The following UNC45A variants were observed in gnomAD, a reference collection of about 807,000 sequenced individuals.
UNC45A encodes the protein protein unc-45 homolog A.
Under a neutral mutation model 103.2 loss-of-function variants are expected in UNC45A, and 78 were observed. The observed-to-expected ratio is 0.76, with a 90% CI of 0.63 to 0.91. The LOEUF (loss-of-function observed/expected upper bound fraction) is 0.91. Ranked by LOEUF, UNC45A falls within the 40% of genes least tolerant of loss-of-function variation. UNC45A has a pLI of 0.00. For synonymous variants in UNC45A, 495 were observed against 504.6 expected, an observed-to-expected ratio of 0.98 and a Z score of 0.25; for missense variants, 1,193 against 1,224.8, an observed-to-expected ratio of 0.97 and a Z score of 0.39.
chr15:90,948,228 A>G lies in UNC45A; in HGVS notation c.1682A>G (p.Lys561Arg). The change falls in exon 12 of 20, where the codon AAG becomes AGG. Residue 561 changes from lysine (K) to arginine (R), a missense_variant. Lys to Arg is a conservative substitution (Grantham distance 26, BLOSUM62 2). Coordinates refer to ENST00000418476, the MANE Select transcript of UNC45A (RefSeq NM_018671.5). ...LAYLTFDADV[K>R]EEFVEDAAAL... ...TACCTGACCTTTGATGCCGACGTGA[A>G]GGAAGAGTTTGTGGAGGATGCGGCT... 9 of 1,614,126 alleles carry G rather than the reference A, an allele frequency of 5.6e-6. No individual in the cohort carries two copies. The highest frequency in any genetic ancestry group is 1.6e-4 in the Middle Eastern group (1 of 6,062).
In UNC45A at chr15:90,935,954, C is replaced by T. The variant is rs758739072; in HGVS notation, c.222C>T (p.Tyr74=). Residue 74 remains tyrosine (Y), a synonymous_variant, in exon 3 of 20, where the codon TAC becomes TAT. Transcript: ENST00000418476. ...CTGTCTTTCTCTTACAGGAAGATTA[C>T]GACAAAGCAGAAACAGAGGCATCCA... ...RAACHLKLED[Y]DKAETEASKA... is the part of the protein sequence containing the mutation. The T allele has an allele frequency of 5.6e-6, 9 of 1,613,892 alleles. No homozygotes were observed. Among genetic ancestry groups the T allele is most frequent in the Non-Finnish European group, 7.6e-6 (9 of 1,180,012 alleles).
At chr15:90,931,519 C>T (rs1414874206), upstream of UNC45A, 4 of 1,614,030 alleles carry the variant, frequency 2.5e-6, no homozygotes, top group Non-Finnish European at 3.4e-6. Flanking sequence ...AATGAGCTGT[C>T]CTGAAAACTT....
At chr15:90,952,842 C>A in intron 17 of UNC45A, 87 bp from the exon 18 acceptor site, 1 of 1,303,286 alleles carries the variant, frequency 7.7e-7, no homozygotes, top group South Asian at 1.3e-5. Context: ...GCCCTACCTC[C>A]AACATTGGGG....
At chr15:90,942,675 G>T (rs2036355359) in intron 7 of UNC45A, 70 bp downstream of exon 7, 1 of 1,606,786 alleles carries the variant, frequency 6.2e-7, no homozygotes, top group Non-Finnish European at 8.5e-7. Context: ...AGCCAGCCAG[G>T]CCAGTTTTTT....
intron 9 of UNC45A, 83 bp from the exon 10 acceptor site, chr15:90,946,531 C>T (rs2036576600): frequency 1.4e-6 from 2 of 1,442,730 alleles, no homozygotes; most frequent in African/African-American, 1.4e-5. Flanking sequence ...AGTGCAGGTG[C>T]CTGGCCAGTG....
chr15:90,932,489 TGCGAGC>T, upstream of UNC45A: 1 of 1,308,596 alleles, frequency 7.6e-7, no homozygotes, highest in Non-Finnish European at 9.7e-7. Context: ...TGCCGGTGCT[TGCGAGC>T]CGCGAAGTCG....
Position 90,937,034 on chromosome 15 carries a change from G to C in UNC45A, c.426+574G>C, listed in dbSNP as rs376318275. 3.3e-5 allele frequency among the ~76,000 whole-genome samples: 5 copies of C among 152,302 alleles called. No individual in the cohort carries two copies. In the South Asian group the frequency reaches 6.2e-4, roughly 19 times the overall value. On this transcript the variant is annotated intron_variant, in intron 4 of 19. Transcript: ENST00000418476. ...ACACATATTGAAATGGGAAGCTCTGGGACACTTGTTGAATGAACAAAGCAA... is the reference window on the plus strand; with the variant it reads ...ACACATATTGAAATGGGAAGCTCTGCGACACTTGTTGAATGAACAAAGCAA...
chr15:90,946,298 C>T (rs1014800911), intron 9 of UNC45A, among the ~76,000 whole-genome samples: 1 of 150,826 alleles, frequency 6.6e-6, no homozygotes, highest in African/African-American at 2.4e-5. Flanking sequence ...AAGGAGCTTA[C>T]AGCTGTTGGG....
At chr15:90,930,651 GA>G (rs2035758220), upstream of UNC45A, 1 of 153,678 alleles carries the variant, frequency 6.5e-6, no homozygotes, top group South Asian at 2.0e-4. Context: ...TTACAGGCGA[GA>G]GACACCGCGC....
In UNC45A at chr15:90,949,407, C is replaced by G; in HGVS notation, c.1970C>G (p.Pro657Arg). 1 of 1,613,840 alleles carries G rather than the reference C, an allele frequency of 6.2e-7. No homozygotes were observed. The highest frequency in any genetic ancestry group is 1.7e-4 in the Middle Eastern group (1 of 6,060). ...GTGTGCATGGTGAAGACGGAGAGCC[C>G]TGTGCTGACCAGTTCCTGCAGAGAG... ...AMVCMVKTES[P>R]VLTSSCRELL... The change falls in exon 14 of 20, where the codon CCT (proline) becomes CGT (arginine). Residue 657 changes from proline to arginine, a missense_variant. Pro to Arg is a moderately radical substitution (Grantham distance 103, BLOSUM62 -2). Transcript: ENST00000418476.
chr15:90,930,434 G>C (rs1420546387), upstream of UNC45A: 2 of 152,288 alleles, frequency 1.3e-5, no homozygotes, highest in African/African-American at 4.8e-5. Flanking sequence ...GCGCGATCTC[G>C]GCTCAGTACA....
At chr15:90,941,876 G>A (rs1466678126) in intron 6 of UNC45A, among the ~76,000 whole-genome samples, 1 of 151,472 alleles carries the variant, frequency 6.6e-6, no homozygotes, top group South Asian at 2.1e-4. Context: ...GGGAAATGGC[G>A]TGAACCTGGG....
At chr15:90,935,728 C>G in intron 2 of UNC45A, 23 bp downstream of exon 2, 1 of 1,537,838 alleles carries the variant, frequency 6.5e-7, no homozygotes, top group Non-Finnish European at 8.7e-7. Context: ...GGCGCTCTTC[C>G]CCTCGCCCGC....
At chr15:90,940,763 A>G (rs1009804791) in intron 6 of UNC45A, 9 of 195,034 alleles carry the variant, frequency 4.6e-5, no homozygotes, top group Non-Finnish European at 9.5e-5. Flanking sequence ...AAATAAAAAA[A>G]TTAGCCGGGC....
intron 15 of UNC45A, 128 bp downstream of exon 15, chr15:90,949,848 C>A: frequency 9.7e-7 from 1 of 1,026,784 alleles, no homozygotes; most frequent in Admixed American, 2.0e-5. Context: ...AGAGGAACAC[C>A]GTCCCGCTGA....
intron 6 of UNC45A, 150 bp downstream of exon 6, chr15:90,940,623 A>T: frequency 2.0e-6 from 2 of 1,015,552 alleles, no homozygotes; most frequent in Non-Finnish European, 2.7e-6. Flanking sequence ...TATTCTAAAA[A>T]GAACTTAGGT....
intron 9 of UNC45A, among the ~76,000 whole-genome samples, chr15:90,945,983 C>T (rs2036546775): frequency 6.6e-6 from 1 of 151,402 alleles, no homozygotes. Flanking sequence ...GGTGTGGTGG[C>T]TTACACCTGT....
chr15:90,946,253 C>CAA (rs60118193), intron 9 of UNC45A, among the ~76,000 whole-genome samples: 2 of 104,664 alleles, frequency 1.9e-5, no homozygotes. Context: ...GACTCTGTCT[C>CAA]AAAAAAAAAA....
chr15:90,953,220 GGAT>G lies in UNC45A; in HGVS notation c.2493_2495del (p.Asp831del), dbSNP rs1323450265. ...AGCTGCTGGTGCTGTACAGTGGAGA[GGAT>G]GATGAGCTGCTACAGCGGGCAGCTG... On this transcript the variant is annotated inframe_deletion, in exon 19 of 20. Coordinates refer to ENST00000418476, the MANE Select transcript of UNC45A (RefSeq NM_018671.5). 1 of 1,613,820 alleles carries G rather than the reference GGAT, an allele frequency of 6.2e-7. No homozygotes were observed. The highest frequency in any genetic ancestry group is 8.5e-7 in the Non-Finnish European group (1 of 1,180,044).
Sources: allele counts gnomAD v4.1 joint callset (sites outside exome capture counted in the v4.1 genomes callset), GRCh38; gene constraint gnomAD v4.1.1; transcripts MANE v1.5; gene names NCBI Gene and HGNC (gene_info 2026-07-23, HGNC 2026-07-21).